Variants in RALGPS2 observed in about 807,000 individuals in gnomAD.
RALGPS2 encodes Ral GEF with PH domain and SH3 binding motif 2.
RALGPS2 carries 43 observed loss-of-function variants against 86.8 expected under a neutral mutation model. The ratio of observed to expected loss-of-function variants is 0.50; its 90% CI spans 0.39 to 0.64. RALGPS2 has a LOEUF of 0.64. Among genes scored for constraint, RALGPS2 ranks in the 30% least tolerant of loss-of-function variants. The pLI, the probability that RALGPS2 is intolerant of heterozygous loss-of-function variation, is 0.00. For synonymous variants in RALGPS2, 243 were observed against 231.3 expected, an observed-to-expected ratio of 1.05 and a Z score of -0.46; for missense variants, 536 against 694.6, an observed-to-expected ratio of 0.77 and a Z score of 2.57.
intron 1 of RALGPS2, chr1:178,746,680 A>C: frequency 1.3e-6 from 1 of 772,682 alleles, no homozygotes; most frequent in Non-Finnish European, 2.4e-6. Flanking sequence ...CAAGTCATGA[A>C]TATTAGGTAT....
intron 8 of RALGPS2, chr1:178,851,339 T>C (rs1192726894): frequency 6.9e-6 from 11 of 1,589,246 alleles, no homozygotes; most frequent in Admixed American, 1.8e-5. Context: ...AATACAGATA[T>C]AAATGTAAAA....
intron 8 of RALGPS2, among the ~76,000 whole-genome samples, chr1:178,877,167 C>T (rs1659041296): frequency 6.6e-6 from 1 of 152,022 alleles, no homozygotes; most frequent in Non-Finnish European, 1.5e-5. Flanking sequence ...GAGGCAGAGC[C>T]AATTGAAGAA....
chr1:178,753,028 C>G (rs1042848706), intron 1 of RALGPS2, among the ~76,000 whole-genome samples: 3 of 152,212 alleles, frequency 2.0e-5, no homozygotes, highest in African/African-American at 7.2e-5. Flanking sequence ...TCTTCAGACT[C>G]AGTTCCTGAT....
chr1:178,833,597 C>G lies in RALGPS2; in HGVS notation c.607+47C>G, dbSNP rs184016834. Reference sequence around the variant, plus strand: ...TTTTTGTTTCTAGTTGTTACTCTTCCTTACTCAGTAATTTATGTGAAATTC... The same window carrying G: ...TTTTTGTTTCTAGTTGTTACTCTTCGTTACTCAGTAATTTATGTGAAATTC... On this transcript the variant is annotated intron_variant, in intron 8 of 19. Coordinates refer to ENST00000367635, the MANE Select transcript of RALGPS2 (RefSeq NM_152663.5). 8.0e-6 allele frequency: 12 copies of G among 1,506,200 alleles called. No homozygotes were observed. In the East Asian group the frequency reaches 3.2e-4, roughly 41 times the overall value. The allele number at this position is 1,506,200 out of a possible 1,614,324, so 93.3% of individuals were successfully genotyped here.
intron 8 of RALGPS2, chr1:178,871,065 T>G (rs892088159): frequency 1.3e-5 from 2 of 152,160 alleles, no homozygotes; most frequent in African/African-American, 4.8e-5. Context: ...CTGACCCAGA[T>G]TGTATATACA....
intron 1 of RALGPS2, among the ~76,000 whole-genome samples, chr1:178,742,820 G>A (rs1651107894): frequency 6.6e-6 from 1 of 152,150 alleles, no homozygotes; most frequent in South Asian, 2.1e-4. Context: ...TCTGGTCTTT[G>A]GAAACTAAAC....
intron 4 of RALGPS2, among the ~76,000 whole-genome samples, chr1:178,802,542 A>T (rs1386136707): frequency 6.6e-6 from 1 of 152,182 alleles, no homozygotes; most frequent in African/African-American, 2.4e-5. Flanking sequence ...TTTACTGGAG[A>T]TAGGAACTGC....
At chr1:178,843,341 A>G (rs1445776801) in intron 8 of RALGPS2, among the ~76,000 whole-genome samples, 10 of 145,162 alleles carry the variant, frequency 6.9e-5, no homozygotes, top group Non-Finnish European at 1.2e-4. Context: ...TGATGAGTTC[A>G]TGTCCTTTGT....
At chr1:178,852,679 T>G in intron 8 of RALGPS2, 1 of 1,604,700 alleles carries the variant, frequency 6.2e-7, no homozygotes, top group Non-Finnish European at 8.5e-7. Context: ...TTTTTCATAC[T>G]TACCTGCATA....
chr1:178,847,204 G>A (rs1199140091), intron 8 of RALGPS2, among the ~76,000 whole-genome samples: 1 of 152,222 alleles, frequency 6.6e-6, no homozygotes, highest in African/African-American at 2.4e-5. Context: ...CCAGCACTTT[G>A]GGAGGCCAAA....
chr1:178,835,779 CT>C (rs2102254815), intron 8 of RALGPS2, among the ~76,000 whole-genome samples: 1 of 152,270 alleles, frequency 6.6e-6, no homozygotes, highest in East Asian at 1.9e-4. Flanking sequence ...GTCCTAAGAC[CT>C]AGTTACTGAC....
chr1:178,895,295 G>T (rs1246534475), intron 16 of RALGPS2, among the ~76,000 whole-genome samples: 1 of 151,952 alleles, frequency 6.6e-6, no homozygotes, highest in Non-Finnish European at 1.5e-5. Context: ...GTAAGCCAAA[G>T]GCACATACAA....
intron 4 of RALGPS2, among the ~76,000 whole-genome samples, chr1:178,792,509 A>T (rs954731721): frequency 1.3e-5 from 2 of 152,166 alleles, no homozygotes; most frequent in African/African-American, 4.8e-5. Flanking sequence ...TGGCTCTAGA[A>T]ATAGGAGTAT....
intron 7 of RALGPS2, among the ~76,000 whole-genome samples, chr1:178,831,295 T>G (rs1656006954): frequency 6.6e-6 from 1 of 152,236 alleles, no homozygotes; most frequent in South Asian, 2.1e-4. Context: ...ATAATTAATC[T>G]GCACCCCGGG....
At chr1:178,750,153 A>G (rs1254498973) in intron 1 of RALGPS2, among the ~76,000 whole-genome samples, 1 of 152,130 alleles carries the variant, frequency 6.6e-6, no homozygotes, top group Non-Finnish European at 1.5e-5. Flanking sequence ...AGTAGAATCT[A>G]TCCATTTTTG....
chr1:178,882,933 C>T (rs1208477948), intron 10 of RALGPS2, among the ~76,000 whole-genome samples: 5 of 152,074 alleles, frequency 3.3e-5, no homozygotes, highest in Admixed American at 1.3e-4. Context: ...AAATAATTTG[C>T]ATAATATATT....
At chr1:178,862,598 T>G (rs1658107850) in intron 8 of RALGPS2, among the ~76,000 whole-genome samples, 1 of 55,436 alleles carries the variant, frequency 1.8e-5, no homozygotes, top group Non-Finnish European at 4.2e-5. Context: ...ATTTTTTTTA[T>G]TTATTTATTT....
chr1:178,910,997 G>A (rs1660601628), intron 19 of RALGPS2, among the ~76,000 whole-genome samples: 1 of 152,062 alleles, frequency 6.6e-6, no homozygotes, highest in Admixed American at 6.5e-5. Flanking sequence ...TTCAGAGGTT[G>A]TGTTTCCAGG....
chr1:178,893,542 G>A (rs1336740053), intron 15 of RALGPS2, among the ~76,000 whole-genome samples: 1 of 149,440 alleles, frequency 6.7e-6, no homozygotes, highest in African/African-American at 2.5e-5. Flanking sequence ...TTTCCTACCA[G>A]GACTTAAAGT....
Sources: gnomAD v4.1 joint callset for allele counts (sites outside exome capture counted in the v4.1 genomes callset) on GRCh38, gnomAD v4.1.1 for gene constraint, MANE v1.5 for transcripts, NCBI Gene and HGNC (gene_info 2026-07-23, HGNC 2026-07-21) for gene names.